TXNRD1: variants seen among roughly 807,000 people sequenced by gnomAD.
TXNRD1 encodes the protein thioredoxin reductase 1.
In TXNRD1, 57 loss-of-function variants were observed where a neutral mutation model predicts 80.3. The ratio of observed to expected loss-of-function variants is 0.71; its 90% CI spans 0.57 to 0.89. TXNRD1 has a LOEUF of 0.89. Ranked by LOEUF, TXNRD1 falls within the 40% of genes least tolerant of loss-of-function variation. TXNRD1 has a pLI of 0.00. For synonymous variants in TXNRD1, 291 were observed against 285.2 expected (o/e 1.02, Z -0.20); for missense variants, 730 against 803.0 (o/e 0.91, Z 1.10).
intron 4 of TXNRD1, among the ~76,000 whole-genome samples, chr12:104,298,922 A>G (rs2034521866): frequency 6.6e-6 from 1 of 152,088 alleles, no homozygotes; most frequent in African/African-American, 2.4e-5. Context: ...TAGTAATTAT[A>G]TGGTATAAAT....
intron 3 of TXNRD1, chr12:104,287,165 C>T (rs2033996399): frequency 6.4e-7 from 1 of 1,565,660 alleles, no homozygotes; most frequent in Admixed American, 1.8e-5. Context: ...GATGGGAGCA[C>T]GCGGGGGACG....
chr12:104,262,035 C>A (rs1490492399), intron 3 of TXNRD1, among the ~76,000 whole-genome samples: 1 of 151,620 alleles, frequency 6.6e-6, no homozygotes, highest in Non-Finnish European at 1.5e-5. Context: ...GGCGCGAGAC[C>A]AGCTTGGCCA....
intron 6 of TXNRD1, among the ~76,000 whole-genome samples, chr12:104,313,714 G>C (rs547808896): frequency 6.6e-6 from 1 of 152,314 alleles, no homozygotes; most frequent in South Asian, 2.1e-4. Flanking sequence ...GAGTCTTGAT[G>C]AATTATATGT....
chr12:104,234,638 G>GAA (rs33956129), intron 1 of TXNRD1, among the ~76,000 whole-genome samples: 26,027 of 125,612 alleles, frequency 0.21, 3,617 homozygotes, highest in Non-Finnish European at 0.31. Context: ...TAAAGTCAGG[G>GAA]AAAAAAAAAA....
intron 13 of TXNRD1, among the ~76,000 whole-genome samples, chr12:104,328,717 C>T (rs535472868): frequency 6.9e-6 from 1 of 145,534 alleles, no homozygotes; most frequent in South Asian, 2.1e-4. Context: ...CGAGATTGCA[C>T]CACTGCACTC....
chr12:104,260,042 C>T (rs1310164608), intron 3 of TXNRD1, among the ~76,000 whole-genome samples: 1 of 152,164 alleles, frequency 6.6e-6, no homozygotes, highest in Non-Finnish European at 1.5e-5. Context: ...CAATTAACTT[C>T]CTTAACATTG....
chr12:104,303,653 C>G (rs1199434818), intron 4 of TXNRD1: 2 of 431,798 alleles, frequency 4.6e-6, no homozygotes, highest in Non-Finnish European at 8.1e-6. Flanking sequence ...AGCGCCTCGG[C>G]TTGTGGCTGG....
chr12:104,286,872 T>G (rs188399690), intron 3 of TXNRD1: 1 of 1,104,994 alleles, frequency 9.0e-7, no homozygotes, highest in Admixed American at 4.8e-5. Context: ...AATTAGGAGC[T>G]CTCAGCTTAC....
intron 16 of TXNRD1, among the ~76,000 whole-genome samples, chr12:104,346,605 AAC>A (rs1341277597): frequency 6.6e-6 from 1 of 152,174 alleles, no homozygotes; most frequent in Non-Finnish European, 1.5e-5. Flanking sequence ...ACCCCTTTCT[AAC>A]ACAGTTATTT....
At chr12:104,298,463 C>T (rs2034505223) in intron 4 of TXNRD1, among the ~76,000 whole-genome samples, 1 of 152,174 alleles carries the variant, frequency 6.6e-6, no homozygotes, top group South Asian at 2.1e-4. Flanking sequence ...CAGTGGCTCA[C>T]ACCTGTAATC....
chr12:104,241,062 CA>C (rs1366231687), intron 1 of TXNRD1, among the ~76,000 whole-genome samples: 1 of 129,854 alleles, frequency 7.7e-6, no homozygotes, highest in Non-Finnish European at 1.6e-5. Context: ...TTTTTTGAGA[CA>C]GAGTCTCACT....
chr12:104,252,955 G>A (rs1444479706), intron 2 of TXNRD1, among the ~76,000 whole-genome samples: 1 of 151,548 alleles, frequency 6.6e-6, no homozygotes, highest in Non-Finnish European at 1.5e-5. Flanking sequence ...ACCTGCCTCG[G>A]CCTCCCAAAG....
rs1397452841 is a variant in TXNRD1 at position 104,322,403 on chromosome 12, C to T, written c.1215+1087C>T. On this transcript the variant is annotated intron_variant, in intron 10 of 16. Coordinates refer to ENST00000525566, the MANE Select transcript of TXNRD1 (RefSeq NM_001093771.3). ...TTTTTTTTTTTTTTTTTTTTTGAGA[C>T]GGAGTTTTGCTTTGTCACCCAGGCT... 2.6e-4 allele frequency among the ~76,000 whole-genome samples: 16 copies of T among 62,364 alleles called. No individual in the cohort carries two copies. The South Asian group carries it at 5.5e-3, about 21-fold the overall frequency. The allele number at this position is 62,364 out of a possible 152,430, so 40.9% of individuals were successfully genotyped here.
At chr12:104,322,218 G>A (rs1170159784) in intron 10 of TXNRD1, among the ~76,000 whole-genome samples, 2 of 151,922 alleles carry the variant, frequency 1.3e-5, no homozygotes, top group African/African-American at 4.8e-5. Flanking sequence ...ATTCTTGTGA[G>A]GATTGCATTA....
intron 3 of TXNRD1, among the ~76,000 whole-genome samples, chr12:104,264,986 G>T (rs7970440): frequency 6.6e-6 from 1 of 151,948 alleles, no homozygotes; most frequent in Non-Finnish European, 1.5e-5. Context: ...AGGTGCAGTG[G>T]CTCCTGCCTG....
intron 1 of TXNRD1, among the ~76,000 whole-genome samples, chr12:104,231,953 G>A (rs2060862144): frequency 6.6e-6 from 1 of 152,188 alleles, no homozygotes; most frequent in African/African-American, 2.4e-5. Context: ...TGTATGATAA[G>A]CTTTGGAGAA....
intron 4 of TXNRD1, among the ~76,000 whole-genome samples, chr12:104,300,702 G>A (rs539267201): frequency 2.6e-5 from 4 of 152,200 alleles, no homozygotes; most frequent in East Asian, 1.9e-4. Flanking sequence ...GCGGGGTTTC[G>A]CTCTTGTTGC....
chr12:104,288,745 C>G, intron 3 of TXNRD1, 186 bp from the exon 4 acceptor site: 2 of 1,471,116 alleles, frequency 1.4e-6, no homozygotes, highest in Non-Finnish European at 1.8e-6. Context: ...GGGTCAGACT[C>G]CAAGCTTGAT....
intron 1 of TXNRD1, among the ~76,000 whole-genome samples, chr12:104,221,001 C>A (rs2032342595): frequency 6.6e-6 from 1 of 151,918 alleles, no homozygotes; most frequent in South Asian, 2.1e-4. Flanking sequence ...GTTGTGGTGG[C>A]TCATGCCTGT....
Sources: gnomAD v4.1 joint callset for allele counts (sites outside exome capture counted in the v4.1 genomes callset) on GRCh38, gnomAD v4.1.1 for gene constraint, MANE v1.5 for transcripts, NCBI Gene and HGNC (gene_info 2026-07-23, HGNC 2026-07-21) for gene names.